TTLL11: variants seen among roughly 807,000 people sequenced by gnomAD.
TTLL11 encodes tubulin tyrosine ligase like 11.
A neutral mutation model predicts 51.7 loss-of-function variants in TTLL11; 42 were observed. That is an observed-to-expected ratio of 0.81 (90% confidence interval 0.64 to 1.05). The LOEUF is 1.05. TTLL11 is among the 50% of genes least tolerant of loss of function. The probability of loss-of-function intolerance (pLI) is 0.00; values close to 1 mark genes in which losing one functional copy is unlikely to be tolerated. For missense variants in TTLL11, 799 were observed against 940.4 expected, an observed-to-expected ratio of 0.85 and a Z score of 1.97; for synonymous variants, 381 against 383.5, an observed-to-expected ratio of 0.99 and a Z score of 0.08.
At chr9:121,900,686 T>C (rs139916999) in intron 6 of TTLL11, among the ~76,000 whole-genome samples, 3,720 of 152,332 alleles carry the variant, frequency 0.024, 58 homozygotes, top group Admixed American at 0.036. Flanking sequence ...ATCTCATTAT[T>C]TGTTTGTGCT....
intron 6 of TTLL11, among the ~76,000 whole-genome samples, chr9:121,873,003 T>C (rs1490105188): frequency 6.6e-6 from 1 of 152,160 alleles, no homozygotes; most frequent in African/African-American, 2.4e-5. Context: ...GGAAGAAAGA[T>C]GAGAAAAAAG....
chr9:122,083,079 T>C (rs1465568972), intron 1 of TTLL11, among the ~76,000 whole-genome samples: 1 of 152,170 alleles, frequency 6.6e-6, no homozygotes, highest in Non-Finnish European at 1.5e-5. Flanking sequence ...ATATACAGTA[T>C]ATATTTGTAT....
chr9:121,892,624 AC>A (rs1839289983), intron 6 of TTLL11, among the ~76,000 whole-genome samples: 1 of 152,276 alleles, frequency 6.6e-6, no homozygotes, highest in Admixed American at 6.5e-5. Context: ...ACAGAGCCAA[AC>A]CATATCAAGA....
chr9:122,013,743 G>A (rs903503813), intron 3 of TTLL11, among the ~76,000 whole-genome samples: 5 of 152,178 alleles, frequency 3.3e-5, no homozygotes, highest in Non-Finnish European at 4.4e-5. Flanking sequence ...CAGCCATACC[G>A]TAGCCTTCAT....
intron 6 of TTLL11, among the ~76,000 whole-genome samples, chr9:121,935,159 A>G (rs1217335738): frequency 6.6e-6 from 1 of 151,420 alleles, no homozygotes; most frequent in East Asian, 1.9e-4. Flanking sequence ...GGGTTTCACC[A>G]TGTTGCCCAG....
rs1422992817 is a variant in TTLL11 at position 121,820,664 on chromosome 9, A to G, written c.*1923T>C. 6.6e-6 allele frequency among the ~76,000 whole-genome samples: 1 copy of G among 151,944 alleles called. No individual in the cohort carries two copies. Among genetic ancestry groups the G allele is most frequent in the Non-Finnish European group, 1.5e-5 (1 of 68,002 alleles). ...TCCTGGGCCTTCCTTTCCTCATCTG[A>G]AAGGGGAGCAGCATTACAGACCTGC... On this transcript the variant is annotated 3_prime_UTR_variant, in exon 9 of 9. Transcript: ENST00000321582.
At chr9:121,893,157 T>C (rs1839321061) in intron 6 of TTLL11, among the ~76,000 whole-genome samples, 1 of 152,262 alleles carries the variant, frequency 6.6e-6, no homozygotes, top group Non-Finnish European at 1.5e-5. Context: ...TTAAGTTTAT[T>C]TCCTATTTTC....
intron 3 of TTLL11, among the ~76,000 whole-genome samples, chr9:122,029,260 T>TA (rs887450522): frequency 6.6e-6 from 1 of 152,216 alleles, no homozygotes; most frequent in Non-Finnish European, 1.5e-5. Context: ...TTTTAGAGTG[T>TA]ACTCCTTCTA....
rs913294991 is a variant in TTLL11 at position 122,068,672 on chromosome 9, G to A, written c.462+24015C>T. On this transcript the variant is annotated intron_variant, in intron 1 of 8. Coordinates refer to ENST00000321582, the MANE Select transcript of TTLL11 (RefSeq NM_001139442.2). Reference sequence around the variant, plus strand: ...CCTGGGTTTGAAGGTGATTTTGGCCGACTCCAAATCCTGCGCTTTTTCTAC... The same window carrying A: ...CCTGGGTTTGAAGGTGATTTTGGCCAACTCCAAATCCTGCGCTTTTTCTAC... Among the ~76,000 whole-genome samples, 7 of 152,278 alleles carry A rather than the reference G, an allele frequency of 4.6e-5. No homozygotes were observed. In the East Asian group the frequency reaches 7.7e-4, roughly 17 times the overall value.
intron 1 of TTLL11, among the ~76,000 whole-genome samples, chr9:122,085,883 G>T (rs1846110143): frequency 6.6e-6 from 1 of 152,154 alleles, no homozygotes; most frequent in Non-Finnish European, 1.5e-5. Context: ...CAGAGGCAAG[G>T]ATTTTAACCC....
At chr9:121,998,408 TC>T (rs1480889740) in intron 3 of TTLL11, among the ~76,000 whole-genome samples, 3 of 152,102 alleles carry the variant, frequency 2.0e-5, no homozygotes, top group African/African-American at 7.2e-5. Context: ...TGCCTCAGCC[TC>T]CCGAGTAGCT....
At chr9:121,983,665 C>T (rs1842873218) in intron 4 of TTLL11, among the ~76,000 whole-genome samples, 2 of 152,166 alleles carry the variant, frequency 1.3e-5, no homozygotes, top group African/African-American at 4.8e-5. Context: ...ATCTCCTCCT[C>T]TGGGAAGCCT....
chr9:122,039,313 T>C lies in TTLL11; in HGVS notation c.518A>G (p.His173Arg). 6.2e-7 allele frequency: 1 copy of C among 1,614,046 alleles called. No homozygotes were observed. Among genetic ancestry groups the C allele is most frequent in the Non-Finnish European group, 8.5e-7 (1 of 1,179,954 alleles). ...CDIYWHGVSF[H>R]DNDIFSGQVN... ...TTGACCGGAGAATATGTCATTGTCG[T>C]GAAATGAAACTCCATGCCAGTAGAT... The change falls in exon 2 of 9, where the codon CAC becomes CGC. Residue 173 changes from histidine (H) to arginine (R), a missense_variant. Transcript: ENST00000321582.
At chr9:121,993,754 C>CT (rs1398290441) in intron 3 of TTLL11, among the ~76,000 whole-genome samples, 1 of 152,110 alleles carries the variant, frequency 6.6e-6, no homozygotes, top group East Asian at 1.9e-4. Context: ...AATTCAGCAA[C>CT]TAGAATATCA....
At chr9:121,865,225 A>G (rs1838141785) in intron 7 of TTLL11, among the ~76,000 whole-genome samples, 1 of 152,106 alleles carries the variant, frequency 6.6e-6, no homozygotes, top group Non-Finnish European at 1.5e-5. Flanking sequence ...ACATTCTAAC[A>G]CACCACGTTG....
Position 122,031,779 on chromosome 9 carries a change from T to C in TTLL11, c.637A>G (p.Asn213Asp), listed in dbSNP as rs375444947. The change falls in exon 3 of 9, where the codon AAC becomes GAC. Residue 213 changes from asparagine (N) to aspartate (D), a missense_variant. By Grantham distance (23) the Asn-to-Asp change is conservative. Around this residue, in one of 3 missense-constraint regions of TTLL11, gnomAD observed 468 missense variants for 612.8 expected, o/e 0.76. Transcript: ENST00000321582. The stretch of plus-strand genomic sequence containing the variant: ...AGAATCCATGAGCGAGGGTAGAAGT[T>C]GTACTCCTCAGGAAAGAGATTCTGC... ...TMQNLFPEEY[N>D]FYPRSWILPD... 4.5e-5 allele frequency: 72 copies of C among 1,613,680 alleles called. No homozygotes were observed. The highest frequency in any genetic ancestry group is 6.1e-5 in the Non-Finnish European group (72 of 1,180,030).
chr9:122,051,820 T>G (rs1371257538), intron 1 of TTLL11, among the ~76,000 whole-genome samples: 2 of 152,106 alleles, frequency 1.3e-5, no homozygotes, highest in Non-Finnish European at 2.9e-5. Context: ...CACCCAAACC[T>G]AACTTTCCCC....
intron 6 of TTLL11, among the ~76,000 whole-genome samples, chr9:121,913,272 T>C (rs962565888): frequency 6.6e-6 from 1 of 152,236 alleles, no homozygotes; most frequent in Non-Finnish European, 1.5e-5. Context: ...ATCTGACTGC[T>C]TCTGAAAATG....
chr9:121,860,694 C>G (rs1345595370), intron 7 of TTLL11, among the ~76,000 whole-genome samples: 1 of 152,204 alleles, frequency 6.6e-6, no homozygotes, highest in Non-Finnish European at 1.5e-5. Context: ...TCTCTACTCT[C>G]CACCATGTGA....
Sources: gnomAD v4.1 joint callset for allele counts (sites outside exome capture counted in the v4.1 genomes callset) on GRCh38, gnomAD v4.1.1 for gene constraint, gnomAD v4.1.1 regional missense constraint, MANE v1.5 for transcripts, NCBI Gene and HGNC (gene_info 2026-07-23, HGNC 2026-07-21) for gene names.